Variants in ST7 observed in about 807,000 individuals in gnomAD.
ST7 encodes suppressor of tumorigenicity 7 protein.
ST7 carries 28 observed loss-of-function variants against 78.7 expected under a neutral mutation model. That is an observed-to-expected ratio of 0.36 (90% CI 0.26 to 0.49). The LOEUF (loss-of-function observed/expected upper bound fraction) is 0.49, where lower values mean the gene tolerates loss of function less well. Ranked by LOEUF, ST7 falls within the 20% of genes least tolerant of loss-of-function variation. The pLI is 0.99. For synonymous variants in ST7, 247 were observed against 249.6 expected (o/e 0.99, Z 0.10); for missense variants, 418 against 696.0 (o/e 0.60, Z 4.49).
At chr7:117,027,206 G>T (rs944115031) in intron 1 of ST7, among the ~76,000 whole-genome samples, 3 of 152,224 alleles carry the variant, frequency 2.0e-5, no homozygotes, top group African/African-American at 7.2e-5. Flanking sequence ...CACTTTGGGA[G>T]GCCAAGGCAG....
At chr7:117,101,183 T>C (rs1403792488) in intron 2 of ST7, among the ~76,000 whole-genome samples, 1 of 152,152 alleles carries the variant, frequency 6.6e-6, no homozygotes, top group Non-Finnish European at 1.5e-5. Context: ...TGCTGTGTCA[T>C]ATGGATTGTT....
chr7:116,960,351 G>A (rs1792761836), intron 1 of ST7, among the ~76,000 whole-genome samples: 2 of 152,032 alleles, frequency 1.3e-5, no homozygotes, highest in South Asian at 2.1e-4. Flanking sequence ...CATCATGTCC[G>A]GCTAAGTTTT....
intron 12 of ST7, among the ~76,000 whole-genome samples, chr7:117,195,218 T>C (rs555311775): frequency 1.2e-3 from 181 of 152,076 alleles, no homozygotes; most frequent in Non-Finnish European, 2.1e-3. Flanking sequence ...GGTATATTTG[T>C]TTCTGAGGGG....
chr7:117,140,395 T>G (rs551908913), intron 9 of ST7, among the ~76,000 whole-genome samples: 1 of 152,152 alleles, frequency 6.6e-6, no homozygotes, highest in Non-Finnish European at 1.5e-5. Context: ...TCATTTAGTC[T>G]TCTGTAAATT....
At chr7:117,004,131 A>G (rs1041886109) in intron 1 of ST7, among the ~76,000 whole-genome samples, 37 of 152,184 alleles carry the variant, frequency 2.4e-4, no homozygotes, top group Admixed American at 2.2e-3. Context: ...CACATTTTTG[A>G]CAGAAAAATA....
Position 116,955,665 on chromosome 7 carries a change from C to T in ST7, c.151+1974C>T, listed in dbSNP as rs562686008. Among the ~76,000 whole-genome samples the T allele has an allele frequency of 2.0e-5, 3 of 152,252 alleles. No individual in the cohort carries two copies. In the South Asian group the frequency reaches 6.2e-4, roughly 32 times the overall value. The stretch of plus-strand genomic sequence containing the variant: ...ATACATTTGTATATCACATTTTCAT[C>T]AGGTTAAATAATTACCCATGTATAT... On this transcript the variant is annotated intron_variant, in intron 1 of 15. Coordinates refer to ENST00000323984, the MANE Select transcript of ST7 (RefSeq NM_001369598.1).
At chr7:117,132,626 TA>T (rs1340735268) in intron 6 of ST7, among the ~76,000 whole-genome samples, 1 of 151,616 alleles carries the variant, frequency 6.6e-6, no homozygotes, top group Non-Finnish European at 1.5e-5. Flanking sequence ...ATTGTTAAAC[TA>T]TTTTATGATT....
chr7:117,196,348 A>G (rs1810298328), intron 12 of ST7, among the ~76,000 whole-genome samples: 2 of 150,644 alleles, frequency 1.3e-5, no homozygotes, highest in Non-Finnish European at 3.0e-5. Flanking sequence ...AAACTTCCAA[A>G]CTGTTTTCCT....
chr7:117,016,906 C>T (rs911737618), intron 1 of ST7, among the ~76,000 whole-genome samples: 2 of 152,116 alleles, frequency 1.3e-5, no homozygotes, highest in Non-Finnish European at 1.5e-5. Flanking sequence ...ATTTATTTTG[C>T]TTTCAGCACA....
intron 1 of ST7, among the ~76,000 whole-genome samples, chr7:117,011,503 A>G (rs970167304): frequency 6.6e-6 from 1 of 152,192 alleles, no homozygotes; most frequent in Non-Finnish European, 1.5e-5. Context: ...TTTACCAGTG[A>G]AGGAACAGAT....
intron 1 of ST7, among the ~76,000 whole-genome samples, chr7:117,005,583 G>T (rs560526645): frequency 6.8e-4 from 104 of 152,116 alleles, no homozygotes; most frequent in East Asian, 3.1e-3. Flanking sequence ...TTTCTTCTTC[G>T]CCTGTCACAC....
rs192381778 is a variant in ST7, at chr7:116,974,946, G to A, written c.151+21255G>A. On this transcript the variant is annotated intron_variant, in intron 1 of 15. Transcript: ENST00000323984. ...TGCCTGCTTAAATTTTGCACCCTAA[G>A]CACCTTGCTTGCCTCATCTCAATTC... Among the ~76,000 whole-genome samples, 418 of 152,282 alleles carry A rather than the reference G, an allele frequency of 2.7e-3. 3 individuals carry two copies. The highest frequency in any genetic ancestry group is 9.4e-3 in the African/African-American group (390 of 41,564).
intron 9 of ST7, among the ~76,000 whole-genome samples, chr7:117,165,415 G>T (rs1396687508): frequency 6.6e-6 from 1 of 152,106 alleles, no homozygotes. Context: ...CCTATACCTT[G>T]TCCAAGGTGT....
At position 117,219,995 on chromosome 7, in the gene ST7, G is replaced by A. The variant is rs973208528; in HGVS notation, c.1498+819G>A. 6.6e-6 allele frequency among the ~76,000 whole-genome samples: 1 copy of A among 152,176 alleles called. No individual in the cohort carries two copies. Among genetic ancestry groups the A allele is most frequent in the Non-Finnish European group, 1.5e-5 (1 of 68,032 alleles). On this transcript the variant is annotated intron_variant, in intron 14 of 15. Coordinates refer to ENST00000323984, the MANE Select transcript of ST7 (RefSeq NM_001369598.1). This position sits in a 1 kb window ranked among gnomAD's most constrained non-coding sequence, Gnocchi z 5.1. The stretch of plus-strand genomic sequence containing the variant: ...TATATTTTTCTCCCTCAGATAATAA[G>A]CTCCAAATTTTAGCTCTTCTCCCTT...
rs565740387 is a variant in ST7, at chr7:117,179,190, C to A, written c.1078+8214C>A. On this transcript the variant is annotated intron_variant, in intron 10 of 15. Transcript: ENST00000323984. ...GTTTCTGATTCCCTATTAGAACGTA[C>A]AACACTGATCAATTTTGGCTTCTAG... Among the ~76,000 whole-genome samples the A allele has an allele frequency of 1.6e-4, 24 of 152,268 alleles. No individual in the cohort carries two copies. In the Middle Eastern group the frequency reaches 0.014, roughly 86 times the overall value.
intron 1 of ST7, among the ~76,000 whole-genome samples, chr7:116,965,036 G>A (rs1793030759): frequency 6.6e-6 from 1 of 152,110 alleles, no homozygotes; most frequent in Non-Finnish European, 1.5e-5. Flanking sequence ...CTTAGTTTAG[G>A]CTATAGAAAT....
At chr7:117,010,882 C>T (rs539428472) in intron 1 of ST7, among the ~76,000 whole-genome samples, 11 of 152,066 alleles carry the variant, frequency 7.2e-5, no homozygotes, top group Non-Finnish European at 1.0e-4. Context: ...CGTGGACTCG[C>T]GTGGCAGGCA....
intron 1 of ST7, among the ~76,000 whole-genome samples, chr7:116,989,341 A>G (rs1794324377): frequency 6.6e-6 from 1 of 152,006 alleles, no homozygotes. Flanking sequence ...TGTGGAGCTC[A>G]CCTTTTTCAC....
chr7:117,058,479 G>A (rs756810113), intron 1 of ST7, among the ~76,000 whole-genome samples: 9 of 152,094 alleles, frequency 5.9e-5, no homozygotes, highest in Non-Finnish European at 1.0e-4. Flanking sequence ...AAGGGACATG[G>A]TGCTGCTTTA....
Sources: allele counts gnomAD v4.1 joint callset (sites outside exome capture counted in the v4.1 genomes callset), GRCh38; gene constraint gnomAD v4.1.1; non-coding constraint Gnocchi (gnomAD v3.1); transcripts MANE v1.5; gene names NCBI Gene and HGNC (gene_info 2026-07-23, HGNC 2026-07-21).